Variants in BAZ2B observed in about 807,000 individuals in gnomAD.
BAZ2B encodes the protein bromodomain adjacent to zinc finger domain protein 2B.
In BAZ2B, 91 loss-of-function variants were observed where a neutral mutation model predicts 246.0. The observed-to-expected ratio is 0.37, with a 90% confidence interval of 0.31 to 0.44. The LOEUF (loss-of-function observed/expected upper bound fraction) is 0.44, where lower values mean the gene tolerates loss of function less well. Ranked by LOEUF, BAZ2B falls within the 20% of genes least tolerant of loss-of-function variation. The pLI is 1.00. For missense variants in BAZ2B, 2,332 were observed against 2,533.7 expected (o/e 0.92, Z 1.71); for synonymous variants, 855 against 860.0 (o/e 0.99, Z 0.10).
At chr2:159,669,955 T>C in the BAZ2B span, among the ~76,000 whole-genome samples, 1 of 152,146 alleles carries the variant, frequency 6.6e-6, no homozygotes, top group Admixed American at 6.6e-5. Context: ...GTTGCAGTAG[T>C]TCCTGTTGCT....
intron 16 of BAZ2B, among the ~76,000 whole-genome samples, chr2:159,403,079 T>A (rs918387402): frequency 8.5e-5 from 13 of 152,144 alleles, no homozygotes; most frequent in African/African-American, 3.1e-4. Context: ...TTCCAGAAAA[T>A]TGTCTTAAGG....
intron 2 of BAZ2B, among the ~76,000 whole-genome samples, chr2:159,488,863 A>G (rs2080134912): frequency 6.6e-6 from 1 of 152,200 alleles, no homozygotes; most frequent in African/African-American, 2.4e-5. Flanking sequence ...AGGATGGTCC[A>G]GAAGAAGTGA....
rs549492199 is a variant in BAZ2B, at chr2:159,323,023, C to T, written c.6353+1788G>A. Among the ~76,000 whole-genome samples, 5 of 148,670 alleles carry T rather than the reference C, an allele frequency of 3.4e-5. No individual in the cohort carries two copies. In the South Asian group the frequency reaches 1.1e-3, roughly 32 times the overall value. On this transcript the variant is annotated intron_variant, in intron 36 of 36. Coordinates refer to ENST00000392783, the MANE Select transcript of BAZ2B (RefSeq NM_013450.4). ...TTTTTTTTTTTTTGAGACAATCTCA[C>T]TCTGTTGCCCAGGCTGGAGTGCAGT...
chr2:159,521,872 C>T (rs1428910695), intron 2 of BAZ2B, among the ~76,000 whole-genome samples: 1 of 151,786 alleles, frequency 6.6e-6, no homozygotes, highest in East Asian at 1.9e-4. Context: ...CACATAAATT[C>T]TATGTGAAAA....
chr2:159,424,190 T>C (rs1354099495), intron 13 of BAZ2B, among the ~76,000 whole-genome samples: 1 of 152,170 alleles, frequency 6.6e-6, no homozygotes, highest in Admixed American at 6.6e-5. Flanking sequence ...ACAAAGAAAT[T>C]CTTAAACATA....
rs767005463 is a variant in BAZ2B, at chr2:159,382,802, C to T, written c.3762G>A (p.Lys1254=). ...TTTTCTTAGCATGAATGATTCTGAGCCTTTAAATATTATGAAAAGTGATGA... is the reference window on the plus strand; with the variant it reads ...TTTTCTTAGCATGAATGATTCTGAGTCTTTAAATATTATGAAAAGTGATGA... The part of the protein sequence containing the change: ...DKWVVEGKLR[K]LRIIHAKKTG... Residue 1254 remains lysine, a splice_region_variant and synonymous_variant, in exon 25 of 37, where the codon AAG becomes AAA. Transcript: ENST00000392783. 5.0e-6 allele frequency: 8 copies of T among 1,609,954 alleles called. No homozygotes were observed. The South Asian group carries it at 7.7e-5, about 16-fold the overall frequency.
chr2:159,611,485 A>G (rs1473809588), intron 1 of BAZ2B, among the ~76,000 whole-genome samples: 1 of 151,952 alleles, frequency 6.6e-6, no homozygotes, highest in Non-Finnish European at 1.5e-5. Flanking sequence ...TCTTAGCTTT[A>G]GTCAGTAATG....
In BAZ2B at chr2:159,559,919, T is replaced by G. The variant is rs1482180703; in HGVS notation, c.-45-4054A>C. 2.0e-5 allele frequency among the ~76,000 whole-genome samples: 3 copies of G among 152,298 alleles called. No individual in the cohort carries two copies. In the South Asian group the frequency reaches 6.2e-4, roughly 32 times the overall value. On this transcript the variant is annotated intron_variant, in intron 1 of 36. Coordinates refer to ENST00000392783, the MANE Select transcript of BAZ2B (RefSeq NM_013450.4). The stretch of plus-strand genomic sequence containing the variant: ...CTGCAAGTCACTGTTTTAGTAAATA[T>G]GCACAGACAAAAATCTCAATAATAT...
At chr2:159,353,684 T>C (rs2058790305) in intron 27 of BAZ2B, among the ~76,000 whole-genome samples, 1 of 152,162 alleles carries the variant, frequency 6.6e-6, no homozygotes, top group African/African-American at 2.4e-5. Flanking sequence ...AAGTGCCAGG[T>C]GCTCACACAG....
chr2:159,414,183 T>C (rs1229350130), intron 13 of BAZ2B, among the ~76,000 whole-genome samples: 1 of 152,232 alleles, frequency 6.6e-6, no homozygotes, highest in African/African-American at 2.4e-5. Context: ...GTTTTGCATG[T>C]TCTCACTTAT....
chr2:159,462,957 T>TA, intron 3 of BAZ2B: 1 of 1,064,874 alleles, frequency 9.4e-7, no homozygotes, highest in Admixed American at 1.8e-5. Flanking sequence ...TTTCTATAAG[T>TA]GATCAAATGT....
intron 1 of BAZ2B, among the ~76,000 whole-genome samples, chr2:159,573,796 C>G (rs1447808284): frequency 6.6e-6 from 1 of 152,096 alleles, no homozygotes; most frequent in Non-Finnish European, 1.5e-5. Context: ...CTTATAACTA[C>G]TCAATAATTA....
At chr2:159,411,407 G>C (rs1298089030) in intron 14 of BAZ2B, among the ~76,000 whole-genome samples, 1 of 152,092 alleles carries the variant, frequency 6.6e-6, no homozygotes, top group Non-Finnish European at 1.5e-5. Flanking sequence ...TGTTTACAAT[G>C]AATAGAATTA....
At chr2:159,443,053 G>A (rs2073708742) in intron 6 of BAZ2B, among the ~76,000 whole-genome samples, 1 of 152,156 alleles carries the variant, frequency 6.6e-6, no homozygotes, top group African/African-American at 2.4e-5. Context: ...ATACCCAGAA[G>A]TAGAATTGCA....
intron 2 of BAZ2B, among the ~76,000 whole-genome samples, chr2:159,531,117 G>T (rs986812576): frequency 6.6e-6 from 1 of 151,996 alleles, no homozygotes; most frequent in Non-Finnish European, 1.5e-5. Flanking sequence ...GTATTCTGTG[G>T]GTATTATGTT....
intron 23 of BAZ2B, 92 bp downstream of exon 23, chr2:159,385,063 A>C (rs1353673622): frequency 5.2e-6 from 7 of 1,335,544 alleles, no homozygotes; most frequent in Non-Finnish European, 7.4e-6. Context: ...CTAGTCTGTA[A>C]CTTTCCAATT....
chr2:159,592,383 C>T (rs1461474831), intron 1 of BAZ2B, among the ~76,000 whole-genome samples: 2 of 152,190 alleles, frequency 1.3e-5, no homozygotes, highest in Non-Finnish European at 2.9e-5. Context: ...CTCCTAGGCT[C>T]AAGCCATTCT....
chr2:159,683,086 T>C, the BAZ2B span, among the ~76,000 whole-genome samples: 7 of 152,168 alleles, frequency 4.6e-5, no homozygotes, highest in Admixed American at 2.6e-4. Context: ...AGAGTTGCCA[T>C]CTGTATTATA....
At chr2:159,650,046 T>C in the BAZ2B span, among the ~76,000 whole-genome samples, 4 of 152,176 alleles carry the variant, frequency 2.6e-5, no homozygotes, top group Non-Finnish European at 1.5e-5. Flanking sequence ...TCAGACATTA[T>C]AGTTATCAGC....
Sources: gnomAD v4.1 joint callset for allele counts (sites outside exome capture counted in the v4.1 genomes callset) on GRCh38, gnomAD v4.1.1 for gene constraint, MANE v1.5 for transcripts, NCBI Gene and HGNC (gene_info 2026-07-23, HGNC 2026-07-21) for gene names.